The following YY1AP1 variants were observed in gnomAD, a reference collection of about 807,000 sequenced individuals.
YY1AP1 encodes YY1 associated protein 1, also known as YY1-associated protein 1.
YY1AP1 carries 43 observed loss-of-function variants against 39.9 expected under a neutral mutation model. The observed-to-expected ratio is 1.08, with a 90% CI of 0.84 to 1.39. The LOEUF (loss-of-function observed/expected upper bound fraction) is 1.39, where lower values mean the gene tolerates loss of function less well. Among genes scored for constraint, YY1AP1 ranks in the 40% most tolerant of loss-of-function variants. The pLI, the probability that YY1AP1 is intolerant of heterozygous loss-of-function variation, is 0.00. For missense variants in YY1AP1, 813 were observed against 900.7 expected (o/e 0.90, Z 1.25); for synonymous variants, 292 against 331.3 (o/e 0.88, Z 1.29).
chr1:155,679,303 A>C, intron 4 of YY1AP1, 106 bp downstream of exon 4: 1 of 1,561,628 alleles, frequency 6.4e-7, no homozygotes, highest in Non-Finnish European at 8.7e-7. Flanking sequence ...TACATCAGTA[A>C]CAGAAGCTGG....
chr1:155,687,056 T>C (rs1359460855), intron 2 of YY1AP1, among the ~76,000 whole-genome samples: 13 of 152,096 alleles, frequency 8.5e-5, no homozygotes, highest in African/African-American at 2.7e-4. Context: ...TTTTGTAAAA[T>C]GGAAGAAAGC....
At chr1:155,676,294 T>C (rs1441223408) in intron 5 of YY1AP1, among the ~76,000 whole-genome samples, 1 of 152,114 alleles carries the variant, frequency 6.6e-6, no homozygotes, top group Admixed American at 6.5e-5. Flanking sequence ...AATTTCAGAA[T>C]AGATTACTGA....
chr1:155,683,944 T>C (rs190858091), intron 2 of YY1AP1, among the ~76,000 whole-genome samples: 31 of 152,120 alleles, frequency 2.0e-4, no homozygotes, highest in Admixed American at 5.9e-4. Flanking sequence ...CAAGACCAGA[T>C]TGATCTACAT....
intron 3 of YY1AP1, among the ~76,000 whole-genome samples, 187 bp downstream of exon 3, chr1:155,680,229 T>C (rs1318028601): frequency 6.6e-6 from 1 of 150,398 alleles, no homozygotes; most frequent in African/African-American, 2.4e-5. Flanking sequence ...AAGAATAACC[T>C]ACATGTGGAT....
At chr1:155,687,063 A>T (rs1304354332) in intron 2 of YY1AP1, among the ~76,000 whole-genome samples, 3 of 152,168 alleles carry the variant, frequency 2.0e-5, no homozygotes, top group Non-Finnish European at 2.9e-5. Flanking sequence ...AAATGGAAGA[A>T]AGCATCCTAC....
chr1:155,683,171 T>C (rs1651761995), intron 2 of YY1AP1, among the ~76,000 whole-genome samples: 1 of 152,124 alleles, frequency 6.6e-6, no homozygotes, highest in Admixed American at 6.5e-5. Flanking sequence ...CCTATACCAG[T>C]ACTAAAAGAT....
At chr1:155,664,088 C>T (rs1237049898) in intron 9 of YY1AP1, among the ~76,000 whole-genome samples, 3 of 148,746 alleles carry the variant, frequency 2.0e-5, no homozygotes, top group Non-Finnish European at 3.0e-5. Flanking sequence ...GATTTAGCCA[C>T]GCTCCAAACT....
At chr1:155,677,565 A>C in intron 4 of YY1AP1, among the ~76,000 whole-genome samples, 1 of 152,232 alleles carries the variant, frequency 6.6e-6, no homozygotes, top group South Asian at 2.1e-4. Context: ...GCAGGTTATC[A>C]TATTTCAAGG....
At chr1:155,661,146 G>A (rs574279553) in intron 10 of YY1AP1, 161 bp downstream of exon 10, 34 of 1,560,144 alleles carry the variant, frequency 2.2e-5, no homozygotes, top group South Asian at 9.5e-5. Flanking sequence ...AGAATCACCC[G>A]GAGAAGGGCA....
intron 9 of YY1AP1, 127 bp from the exon 10 acceptor site, chr1:155,661,550 C>T: frequency 6.9e-7 from 1 of 1,448,866 alleles, no homozygotes; most frequent in Non-Finnish European, 9.6e-7. Context: ...CACACACACA[C>T]AAGACCACAT....
chr1:155,681,746 G>A (rs560646037), intron 2 of YY1AP1, among the ~76,000 whole-genome samples: 17 of 152,198 alleles, frequency 1.1e-4, no homozygotes, highest in Middle Eastern at 6.8e-3. Flanking sequence ...AAGCTGAAAG[G>A]GACTGCCAAT....
Position 155,680,415 on chromosome 1 carries a change from C to T in YY1AP1, c.21+1G>A. The T allele has an allele frequency of 6.2e-7, 1 of 1,613,412 alleles. No individual in the cohort carries two copies. The highest frequency in any genetic ancestry group is 1.1e-5 in the South Asian group (1 of 91,070). On this transcript the variant is annotated splice_donor_variant, in intron 3 of 10. Coordinates refer to ENST00000355499, the MANE Select transcript of YY1AP1 (RefSeq NM_139119.3). LOFTEE classifies it high-confidence loss of function. ...GTTCTCACTTGAGGATCATTACTCACAGTTTCAAACAGATCTTCCATCAGC... is the reference window on the plus strand; with the variant it reads ...GTTCTCACTTGAGGATCATTACTCATAGTTTCAAACAGATCTTCCATCAGC...
chr1:155,683,086 C>CA (rs1013979922), intron 2 of YY1AP1, among the ~76,000 whole-genome samples: 117 of 137,528 alleles, frequency 8.5e-4, no homozygotes, highest in Middle Eastern at 7.3e-3. Flanking sequence ...AACTCCATCT[C>CA]AAAAAAAAAA....
chr1:155,659,710 C>A lies in YY1AP1; in HGVS notation c.2200G>T (p.Val734Phe), dbSNP rs752512078. Residue 734 changes from valine (V) to phenylalanine (F), a missense_variant, in exon 11 of 11, where the codon GTT (valine) becomes TTT (phenylalanine). Physicochemically the swap from Val to Phe is conservative, Grantham distance 50. Coordinates refer to ENST00000355499, the MANE Select transcript of YY1AP1 (RefSeq NM_139119.3). ...GCATCTTCAGGTTCCATCTTGACAA[C>A]TTCCTCTAAATCCCCAGGGGAAGAG... ...NNSSPGDLEE[V>F]VKMEPEDATE... 20 of 1,614,126 alleles carry A rather than the reference C, an allele frequency of 1.2e-5. No homozygotes were observed. Among genetic ancestry groups the A allele is most frequent in the Non-Finnish European group, 1.5e-5 (18 of 1,180,054 alleles).
At chr1:155,688,631 C>T (rs1386998240) in intron 1 of YY1AP1, 28 bp downstream of exon 1, 38 of 1,534,578 alleles carry the variant, frequency 2.5e-5, no homozygotes, top group Non-Finnish European at 3.3e-5. Context: ...CCTGTCAAGC[C>T]GGCTCCAGCG....
rs944537497 is a variant in YY1AP1 at position 155,679,574 on chromosome 1, T to C, written c.22-62A>G. 15 of 1,613,098 alleles carry C rather than the reference T, an allele frequency of 9.3e-6. No individual in the cohort carries two copies. In the African/African-American group the frequency reaches 1.7e-4, roughly 19 times the overall value. On this transcript the variant is annotated intron_variant, in intron 3 of 10. Coordinates refer to ENST00000355499, the MANE Select transcript of YY1AP1 (RefSeq NM_139119.3). ...TGGGCTTTTGAATGTTGCTCCAGTG[T>C]TGGGAAGGAAAAGTGAAAACTATAA...
In YY1AP1 at chr1:155,676,630, A is replaced by C. The variant is rs1298075291; in HGVS notation, c.242T>G (p.Val81Gly). ...SAKQQKEVEK[V>G]KPQCKEVHQT... is the part of the protein sequence containing the mutation. ...ATGAACTTCCTTACACTGGGGTTTA[A>C]CCTTCTCTACCTCCTTCTGCTGTTT... Residue 81 changes from valine to glycine, a missense_variant, in exon 5 of 11, where the codon GTT (valine) becomes GGT (glycine). Physicochemically the swap from Val to Gly is moderately radical, Grantham distance 109. Coordinates refer to ENST00000355499, the MANE Select transcript of YY1AP1 (RefSeq NM_139119.3). 7 of 1,614,142 alleles carry C rather than the reference A, an allele frequency of 4.3e-6. No homozygotes were observed. In the East Asian group the frequency reaches 6.7e-5, roughly 15 times the overall value.
intron 9 of YY1AP1, among the ~76,000 whole-genome samples, chr1:155,664,420 GTACAATATTAC>G (rs1648640949): frequency 6.6e-6 from 1 of 152,136 alleles, no homozygotes; most frequent in South Asian, 2.1e-4. Context: ...AAGGTACACA[GTACAATATTAC>G]TACCAGGAAA....
Position 155,668,637 on chromosome 1 carries a change from T to C in YY1AP1, c.869A>G (p.Asn290Ser), listed in dbSNP as rs760022255. Residue 290 changes from asparagine to serine, a missense_variant, in exon 9 of 11, where the codon AAC becomes AGC. Physicochemically the swap from Asn to Ser is conservative, Grantham distance 46 (BLOSUM62 1). Coordinates refer to ENST00000355499, the MANE Select transcript of YY1AP1 (RefSeq NM_139119.3). ...GCAGGAAACACTCACTTTAATGATG[T>C]TGTCAGGAGCTCTGTTCATGTTGAG... The part of the protein sequence containing the change: ...KNLNMNRAPD[N>S]IIKFYKKTKQ... 8 of 1,614,186 alleles carry C rather than the reference T, an allele frequency of 5.0e-6. No individual in the cohort carries two copies. In the Admixed American group the frequency reaches 6.7e-5, roughly 13 times the overall value.
Sources: allele counts gnomAD v4.1 joint callset (sites outside exome capture counted in the v4.1 genomes callset), GRCh38; gene constraint gnomAD v4.1.1; transcripts MANE v1.5; gene names NCBI Gene and HGNC (gene_info 2026-07-23, HGNC 2026-07-21).